The following PTPRM variants were observed in gnomAD, a reference collection of about 807,000 sequenced individuals.
The protein encoded by PTPRM is receptor-type tyrosine-protein phosphatase mu.
Under a neutral mutation model 186.7 loss-of-function variants are expected in PTPRM, and 47 were observed. The ratio of observed to expected loss-of-function variants is 0.25; its 90% CI spans 0.20 to 0.32. The LOEUF (loss-of-function observed/expected upper bound fraction) is 0.32. Ranked by LOEUF, PTPRM falls within the 10% of genes least tolerant of loss-of-function variation. The pLI is 1.00. For synonymous variants in PTPRM, 668 were observed against 674.9 expected (o/e 0.99, Z 0.16); for missense variants, 1,494 against 1,865.0 (o/e 0.80, Z 3.66).
At chr18:7,858,440 C>T (rs2047193088) in intron 2 of PTPRM, among the ~76,000 whole-genome samples, 1 of 152,036 alleles carries the variant, frequency 6.6e-6, no homozygotes, top group Non-Finnish European at 1.5e-5. Context: ...TGCCTTCAGT[C>T]CTAGCTATTC....
At chr18:8,198,103 G>T (rs1015986695) in intron 14 of PTPRM, among the ~76,000 whole-genome samples, 1 of 152,164 alleles carries the variant, frequency 6.6e-6, no homozygotes, top group African/African-American at 2.4e-5. Context: ...GCTAGGCTAT[G>T]AACTAGAGGG....
chr18:7,819,527 T>A (rs1187335206), intron 2 of PTPRM, among the ~76,000 whole-genome samples: 1 of 152,118 alleles, frequency 6.6e-6, no homozygotes, highest in East Asian at 1.9e-4. Context: ...GAAAAGCATC[T>A]CCCTTCTGGC....
intron 23 of PTPRM, among the ~76,000 whole-genome samples, chr18:8,356,725 C>T (rs775287567): frequency 6.6e-6 from 1 of 152,180 alleles, no homozygotes; most frequent in Non-Finnish European, 1.5e-5. Context: ...TTGGCGGCTA[C>T]AGGATGCAGG....
In PTPRM at chr18:8,287,158, T is replaced by C. The variant is rs976278988; in HGVS notation, c.2755-9210T>C. ...CCCCACCCAACTTCCAAATACTATA[T>C]AGAGTCAGTGAAGGAAAAATACAGA... is the stretch of plus-strand genomic sequence containing the variant. On this transcript the variant is annotated intron_variant, in intron 19 of 32. Transcript: ENST00000580170. Among the ~76,000 whole-genome samples, 3 of 151,534 alleles carry C rather than the reference T, an allele frequency of 2.0e-5. 1 individual carries two copies. The highest frequency in any genetic ancestry group is 7.3e-5 in the African/African-American group (3 of 41,232).
intron 11 of PTPRM, among the ~76,000 whole-genome samples, chr18:8,092,998 A>T (rs1446284825): frequency 6.6e-6 from 1 of 152,068 alleles, no homozygotes; most frequent in Admixed American, 6.6e-5. Flanking sequence ...CTACCAAAAA[A>T]ATTTTTTTTA....
At chr18:8,078,947 T>C (rs1031124272) in intron 9 of PTPRM, among the ~76,000 whole-genome samples, 2 of 152,138 alleles carry the variant, frequency 1.3e-5, no homozygotes, top group Non-Finnish European at 1.5e-5. Flanking sequence ...ACCTCCAACA[T>C]TGGGAATCTC....
At chr18:8,021,852 G>A (rs1021157026) in intron 7 of PTPRM, among the ~76,000 whole-genome samples, 1 of 151,916 alleles carries the variant, frequency 6.6e-6, no homozygotes, top group African/African-American at 2.4e-5. Flanking sequence ...CAAAATGCTG[G>A]GACTACAGGC....
chr18:8,315,280 C>G (rs766693809), intron 21 of PTPRM, among the ~76,000 whole-genome samples: 1 of 152,168 alleles, frequency 6.6e-6, no homozygotes, highest in Non-Finnish European at 1.5e-5. Context: ...TGGGACAAAA[C>G]TCTCTAATTC....
chr18:8,257,251 T>A (rs2094583253), intron 19 of PTPRM, among the ~76,000 whole-genome samples: 1 of 151,982 alleles, frequency 6.6e-6, no homozygotes, highest in East Asian at 1.9e-4. Flanking sequence ...GAGAATGGGG[T>A]TCTCTGAGGA....
intron 14 of PTPRM, among the ~76,000 whole-genome samples, chr18:8,166,440 G>A (rs947897236): frequency 2.5e-4 from 38 of 152,078 alleles, no homozygotes; most frequent in Non-Finnish European, 5.3e-4. Flanking sequence ...CATCTGTAAG[G>A]AACCTATTAC....
chr18:8,136,367 G>A (rs1294327167), intron 13 of PTPRM, among the ~76,000 whole-genome samples: 1 of 152,162 alleles, frequency 6.6e-6, no homozygotes, highest in South Asian at 2.1e-4. Flanking sequence ...TGGACTTTTA[G>A]TGTCCAGATG....
chr18:8,057,189 G>C (rs1347800963), intron 7 of PTPRM, among the ~76,000 whole-genome samples: 1 of 151,038 alleles, frequency 6.6e-6, no homozygotes, highest in Non-Finnish European at 1.5e-5. Context: ...GTAGGAAGGT[G>C]GCAAAATTTT....
chr18:7,641,187 T>C (rs2038434885), intron 1 of PTPRM, among the ~76,000 whole-genome samples: 1 of 152,176 alleles, frequency 6.6e-6, no homozygotes, highest in Non-Finnish European at 1.5e-5. Flanking sequence ...CCAGTCAACC[T>C]ATATCTTCCT....
At chr18:8,390,955 A>C (rs1363004068) in intron 31 of PTPRM, among the ~76,000 whole-genome samples, 1 of 149,454 alleles carries the variant, frequency 6.7e-6, no homozygotes, top group Non-Finnish European at 1.5e-5. Flanking sequence ...AATAATAATA[A>C]TAATAATAAT....
chr18:7,751,107 G>T (rs1431427241), intron 1 of PTPRM: 1 of 152,156 alleles, frequency 6.6e-6, no homozygotes, highest in Non-Finnish European at 1.5e-5. Flanking sequence ...CATCAGCCTC[G>T]AAGATAAGCC....
At chr18:7,740,103 A>T (rs998339483) in intron 1 of PTPRM, among the ~76,000 whole-genome samples, 9 of 152,186 alleles carry the variant, frequency 5.9e-5, no homozygotes, top group African/African-American at 1.4e-4. Context: ...AGTACTGAAC[A>T]TTTCTATCCT....
chr18:7,669,589 A>G (rs2039171921), intron 1 of PTPRM, among the ~76,000 whole-genome samples: 2 of 152,178 alleles, frequency 1.3e-5, no homozygotes, highest in South Asian at 4.1e-4. Flanking sequence ...GGAAGAGTTA[A>G]ATGTCAGGGA....
At chr18:8,097,822 A>G (rs181445978) in intron 11 of PTPRM, among the ~76,000 whole-genome samples, 125 of 152,364 alleles carry the variant, frequency 8.2e-4, no homozygotes, top group African/African-American at 2.9e-3. Flanking sequence ...CCTAGTCAAC[A>G]AAATTAAAAA....
intron 31 of PTPRM, among the ~76,000 whole-genome samples, chr18:8,393,831 C>G (rs894401190): frequency 1.3e-5 from 2 of 152,128 alleles, no homozygotes; most frequent in Non-Finnish European, 2.9e-5. Flanking sequence ...CTCTGTTGCC[C>G]AGGCTGGAGT....
Sources: allele counts gnomAD v4.1 joint callset (sites outside exome capture counted in the v4.1 genomes callset), GRCh38; gene constraint gnomAD v4.1.1; transcripts MANE v1.5; gene names NCBI Gene and HGNC (gene_info 2026-07-23, HGNC 2026-07-21).